The following SLC35F4 variants were observed in gnomAD, a reference collection of about 807,000 sequenced individuals.
The protein encoded by SLC35F4 is chromosome 14 open reading frame 36.
A neutral mutation model predicts 44.2 loss-of-function variants in SLC35F4; 24 were observed. That is an observed-to-expected ratio of 0.54 (90% CI 0.39 to 0.76). The LOEUF is 0.76. Among genes scored for constraint, SLC35F4 ranks in the 30% least tolerant of loss-of-function variants. SLC35F4 has a pLI of 0.00. For synonymous variants in SLC35F4, 238 were observed against 223.6 expected, an observed-to-expected ratio of 1.06 and a Z score of -0.57; for missense variants, 562 against 586.1, an observed-to-expected ratio of 0.96 and a Z score of 0.42.
intron 1 of SLC35F4, among the ~76,000 whole-genome samples, chr14:57,741,737 T>A (rs4442730): frequency 6.6e-6 from 1 of 150,646 alleles, no homozygotes; most frequent in Non-Finnish European, 1.5e-5. Flanking sequence ...ATACAGAGAA[T>A]GCAATGAGAA....
intron 1 of SLC35F4, among the ~76,000 whole-genome samples, chr14:57,595,222 G>A (rs1489353839): frequency 5.9e-5 from 9 of 152,126 alleles, no homozygotes; most frequent in South Asian, 4.1e-4. Flanking sequence ...GAAGTACTTC[G>A]TAGTCTCTCA....
intron 1 of SLC35F4, among the ~76,000 whole-genome samples, chr14:57,808,113 G>T (rs11625338): frequency 2.0e-5 from 3 of 151,682 alleles, no homozygotes; most frequent in Non-Finnish European, 2.9e-5. Flanking sequence ...TACAATTCAA[G>T]GTGAGAGTTG....
chr14:57,773,382 C>T (rs1042764231), intron 1 of SLC35F4, among the ~76,000 whole-genome samples: 1 of 152,194 alleles, frequency 6.6e-6, no homozygotes, highest in African/African-American at 2.4e-5. Flanking sequence ...AGGCAAATAG[C>T]ATCATCTATT....
intron 1 of SLC35F4, among the ~76,000 whole-genome samples, chr14:57,629,368 G>A (rs1332587815): frequency 6.6e-6 from 1 of 152,096 alleles, no homozygotes; most frequent in African/African-American, 2.4e-5. Context: ...AATAAACACT[G>A]TTTTCCACTT....
intron 1 of SLC35F4, among the ~76,000 whole-genome samples, chr14:57,927,717 C>T (rs1889609130): frequency 6.6e-6 from 1 of 152,106 alleles, no homozygotes; most frequent in African/African-American, 2.4e-5. Flanking sequence ...TCTCGAACTC[C>T]TGACCTCAAG....
At chr14:57,786,533 C>T (rs1471858877) in intron 1 of SLC35F4, among the ~76,000 whole-genome samples, 1 of 152,152 alleles carries the variant, frequency 6.6e-6, no homozygotes, top group Non-Finnish European at 1.5e-5. Context: ...CTTGTCATGT[C>T]CACAGAACAG....
chr14:57,966,875 T>C (rs1215593933), intron 1 of SLC35F4, among the ~76,000 whole-genome samples: 1 of 152,074 alleles, frequency 6.6e-6, no homozygotes, highest in Non-Finnish European at 1.5e-5. Context: ...CCGGGCATGG[T>C]GGCACATGCC....
At chr14:57,707,581 C>T (rs997907851) in intron 1 of SLC35F4, among the ~76,000 whole-genome samples, 2 of 152,092 alleles carry the variant, frequency 1.3e-5, no homozygotes, top group African/African-American at 4.8e-5. Flanking sequence ...ATTACCCAGT[C>T]TTGGGTATTT....
intron 1 of SLC35F4, among the ~76,000 whole-genome samples, chr14:57,639,413 G>A (rs906871761): frequency 6.6e-6 from 1 of 151,812 alleles, no homozygotes; most frequent in Non-Finnish European, 1.5e-5. Context: ...CCACCCCTAT[G>A]TTAATATAGT....
chr14:57,890,317 C>T (rs531078811), intron 1 of SLC35F4, among the ~76,000 whole-genome samples: 6 of 152,228 alleles, frequency 3.9e-5, no homozygotes, highest in African/African-American at 1.2e-4. Flanking sequence ...TAGGTCAACC[C>T]GCAGACCCAA....
chr14:57,779,971 A>C (rs532327899), intron 1 of SLC35F4, among the ~76,000 whole-genome samples: 1 of 152,346 alleles, frequency 6.6e-6, no homozygotes, highest in South Asian at 2.1e-4. Flanking sequence ...ACCCACAGTC[A>C]ACATCATTCT....
At chr14:57,909,007 G>A (rs1001128418) in intron 1 of SLC35F4, among the ~76,000 whole-genome samples, 4 of 152,154 alleles carry the variant, frequency 2.6e-5, no homozygotes, top group African/African-American at 4.8e-5. Context: ...CAAATGGCTA[G>A]CCAGTTTTCT....
chr14:57,852,297 T>C (rs148023192), intron 1 of SLC35F4, among the ~76,000 whole-genome samples: 115 of 152,232 alleles, frequency 7.6e-4, no homozygotes, highest in African/African-American at 2.4e-3. Context: ...AGGGGAGAGC[T>C]TGTTCATCAT....
At chr14:57,844,650 C>T (rs539056772) in intron 1 of SLC35F4, among the ~76,000 whole-genome samples, 10 of 152,222 alleles carry the variant, frequency 6.6e-5, no homozygotes, top group Non-Finnish European at 1.0e-4. Context: ...TTCTTTTTAC[C>T]TTCTAGATGC....
chr14:57,789,658 C>T (rs1438576564), intron 1 of SLC35F4, among the ~76,000 whole-genome samples: 2 of 152,184 alleles, frequency 1.3e-5, no homozygotes, highest in Non-Finnish European at 2.9e-5. Context: ...AGGACAGAAT[C>T]ATCCTGATAT....
chr14:57,904,431 G>T (rs1001992434), intron 1 of SLC35F4, among the ~76,000 whole-genome samples: 4 of 152,166 alleles, frequency 2.6e-5, no homozygotes, highest in African/African-American at 9.7e-5. Flanking sequence ...GCAATTACAT[G>T]GACTCCCATG....
intron 1 of SLC35F4, among the ~76,000 whole-genome samples, chr14:57,900,895 G>T (rs949229483): frequency 6.6e-6 from 1 of 152,166 alleles, no homozygotes; most frequent in Non-Finnish European, 1.5e-5. Flanking sequence ...AGACATACAT[G>T]CAGCCAACAA....
chr14:57,666,429 T>C (rs987425084), intron 1 of SLC35F4, among the ~76,000 whole-genome samples: 1 of 152,158 alleles, frequency 6.6e-6, no homozygotes, highest in Non-Finnish European at 1.5e-5. Context: ...TTCAGTCCTA[T>C]AGCCACAAGG....
chr14:57,787,417 T>G (rs1470615423), intron 1 of SLC35F4, among the ~76,000 whole-genome samples: 1 of 152,080 alleles, frequency 6.6e-6, no homozygotes, highest in Admixed American at 6.6e-5. Context: ...AAAGAACACC[T>G]GGGAAATTCA....
Sources: gnomAD v4.1 joint callset for allele counts (sites outside exome capture counted in the v4.1 genomes callset) on GRCh38, gnomAD v4.1.1 for gene constraint, MANE v1.5 for transcripts, NCBI Gene and HGNC (gene_info 2026-07-23, HGNC 2026-07-21) for gene names.